Variants in NXPE2 observed in about 807,000 individuals in gnomAD.
NXPE2 encodes the protein neurexophilin and PC-esterase domain family member 2.
In NXPE2, 34 loss-of-function variants were observed where a neutral mutation model predicts 34.4. The ratio of observed to expected loss-of-function variants is 0.99; its 90% confidence interval spans 0.75 to 1.31. The LOEUF is 1.31. Ranked by LOEUF, NXPE2 falls within the 40% of genes most tolerant of loss-of-function variation. NXPE2 has a pLI of 0.00. For synonymous variants in NXPE2, 235 were observed against 231.3 expected (o/e 1.02, Z -0.15); for missense variants, 649 against 672.5 (o/e 0.97, Z 0.39).
chr11:114,576,988 T>C, the NXPE2 span, among the ~76,000 whole-genome samples: 2 of 114,704 alleles, frequency 1.7e-5, no homozygotes, highest in African/African-American at 7.4e-5. Context: ...TATATATATA[T>C]ATACATATAT....
chr11:114,651,452 T>C, the NXPE2 span, among the ~76,000 whole-genome samples: 3 of 152,140 alleles, frequency 2.0e-5, no homozygotes, highest in Non-Finnish European at 1.5e-5. Flanking sequence ...ATAAAGGTAG[T>C]GTGGACCCAA....
chr11:114,535,481 G>A, the NXPE2 span, among the ~76,000 whole-genome samples: 1 of 152,178 alleles, frequency 6.6e-6, no homozygotes, highest in Non-Finnish European at 1.5e-5. Flanking sequence ...AAAAGGCACA[G>A]ACTGGCAAAT....
chr11:114,493,323 A>G, the NXPE2 span, among the ~76,000 whole-genome samples: 1 of 152,134 alleles, frequency 6.6e-6, no homozygotes, highest in African/African-American at 2.4e-5. Context: ...CAATGTTATT[A>G]TTGATAAGCA....
chr11:114,476,445 A>C, the NXPE2 span, among the ~76,000 whole-genome samples: 1 of 152,310 alleles, frequency 6.6e-6, no homozygotes, highest in South Asian at 2.1e-4. Flanking sequence ...ATGTATTTAA[A>C]TTGAAACAAA....
At chr11:114,542,689 G>A in the NXPE2 span, among the ~76,000 whole-genome samples, 1 of 151,962 alleles carries the variant, frequency 6.6e-6, no homozygotes, top group Non-Finnish European at 1.5e-5. Flanking sequence ...GGGCAAAAGA[G>A]GTTTATAGTT....
the NXPE2 span, among the ~76,000 whole-genome samples, chr11:114,638,129 A>T: frequency 1.3e-5 from 2 of 150,818 alleles, no homozygotes; most frequent in African/African-American, 2.4e-5. Flanking sequence ...GTCTTGTCAC[A>T]TAGTCCCATA....
the NXPE2 span, among the ~76,000 whole-genome samples, chr11:114,653,531 C>T: frequency 7.5e-5 from 9 of 119,302 alleles, no homozygotes. Context: ...GTCCTGCTTT[C>T]CCTTTTTTTT....
intron 2 of NXPE2, among the ~76,000 whole-genome samples, chr11:114,687,868 G>A (rs1012284085): frequency 1.6e-4 from 24 of 151,854 alleles, no homozygotes; most frequent in Admixed American, 1.4e-3. Flanking sequence ...CATAGGATTG[G>A]ATTCTTAATA....
chr11:114,599,686 A>G, the NXPE2 span, among the ~76,000 whole-genome samples: 1 of 152,138 alleles, frequency 6.6e-6, no homozygotes, highest in Non-Finnish European at 1.5e-5. Context: ...TTACATGGCC[A>G]GAGCAGGAGC....
chr11:114,519,907 T>G, the NXPE2 span, among the ~76,000 whole-genome samples: 1 of 138,220 alleles, frequency 7.2e-6, no homozygotes, highest in East Asian at 1.9e-4. Flanking sequence ...TTGTTTGTTT[T>G]TTGAGACAGA....
the NXPE2 span, chr11:114,580,014 G>T: frequency 3.6e-6 from 3 of 833,050 alleles, no homozygotes; most frequent in South Asian, 1.6e-5. Flanking sequence ...AAAAATTTTG[G>T]TGTGTTGTGA....
At chr11:114,754,049 T>C in the NXPE2 span, among the ~76,000 whole-genome samples, 1 of 152,230 alleles carries the variant, frequency 6.6e-6, no homozygotes, top group Non-Finnish European at 1.5e-5. Flanking sequence ...GTGCCTCAGT[T>C]GTCGTATCTG....
the NXPE2 span, among the ~76,000 whole-genome samples, chr11:114,647,602 T>G: frequency 1.3e-5 from 2 of 152,186 alleles, no homozygotes; most frequent in African/African-American, 4.8e-5. Context: ...ATAAATTTCT[T>G]AATATTCTCT....
At chr11:114,775,386 G>C in the NXPE2 span, among the ~76,000 whole-genome samples, 5 of 152,180 alleles carry the variant, frequency 3.3e-5, no homozygotes, top group East Asian at 1.9e-4. Flanking sequence ...CAGTTGTTAG[G>C]GGGGGCAAGA....
the NXPE2 span, among the ~76,000 whole-genome samples, chr11:114,750,857 G>A: frequency 1.3e-5 from 2 of 152,158 alleles, no homozygotes; most frequent in African/African-American, 4.8e-5. Flanking sequence ...CCAACTTTCG[G>A]TATGGAAGCC....
upstream of NXPE2, among the ~76,000 whole-genome samples, chr11:114,674,772 A>T (rs1950839055): frequency 1.3e-5 from 2 of 151,874 alleles, no homozygotes; most frequent in African/African-American, 2.4e-5. Context: ...AAACAATTGA[A>T]GTAAAGGGAA....
At chr11:114,491,925 C>T in the NXPE2 span, among the ~76,000 whole-genome samples, 5 of 152,036 alleles carry the variant, frequency 3.3e-5, no homozygotes, top group African/African-American at 9.7e-5. Context: ...AACCAAACAC[C>T]GCATATTCTC....
the NXPE2 span, among the ~76,000 whole-genome samples, chr11:114,601,722 A>AT: frequency 3.0e-3 from 218 of 72,424 alleles, 8 homozygotes; most frequent in African/African-American, 0.011. Context: ...TATATATTAT[A>AT]ATTATATATT....
the NXPE2 span, among the ~76,000 whole-genome samples, chr11:114,533,544 AG>A: frequency 9.2e-5 from 14 of 152,186 alleles, no homozygotes; most frequent in East Asian, 2.7e-3. Context: ...AGTCAAAGAA[AG>A]GGGTGACAGA....
Sources: allele counts gnomAD v4.1 joint callset (sites outside exome capture counted in the v4.1 genomes callset), GRCh38; gene constraint gnomAD v4.1.1; transcripts MANE v1.5; gene names NCBI Gene and HGNC (gene_info 2026-07-23, HGNC 2026-07-21).